NOX3: variants seen among roughly 807,000 people sequenced by gnomAD.
NOX3 encodes the protein NADPH oxidase 3.
In NOX3, 74 loss-of-function variants were observed where a neutral mutation model predicts 76.7. The observed-to-expected ratio is 0.96, with a 90% CI of 0.80 to 1.17. The LOEUF (loss-of-function observed/expected upper bound fraction) is 1.17, where lower values mean the gene tolerates loss of function less well. Ranked by LOEUF, NOX3 falls within the 50% of genes most tolerant of loss-of-function variation. The probability of loss-of-function intolerance (pLI) is 0.00; values close to 1 mark genes in which losing one functional copy is unlikely to be tolerated. For missense variants in NOX3, 695 were observed against 703.3 expected (o/e 0.99, Z 0.13); for synonymous variants, 263 against 261.1 (o/e 1.01, Z -0.07).
intron 9 of NOX3, among the ~76,000 whole-genome samples, chr6:155,425,653 G>T (rs1481826986): frequency 2.0e-5 from 3 of 152,174 alleles, no homozygotes; most frequent in Non-Finnish European, 4.4e-5. Flanking sequence ...ACTGTTATGT[G>T]TGATCCTAAA....
chr6:155,438,764 C>G (rs1358535590), intron 6 of NOX3, among the ~76,000 whole-genome samples: 1 of 152,204 alleles, frequency 6.6e-6, no homozygotes, highest in Non-Finnish European at 1.5e-5. Context: ...CTTCCAGGTC[C>G]GCGCAGAGTC....
At chr6:155,448,374 T>C (rs1777091926) in intron 4 of NOX3, among the ~76,000 whole-genome samples, 1 of 152,160 alleles carries the variant, frequency 6.6e-6, no homozygotes, top group Non-Finnish European at 1.5e-5. Flanking sequence ...CCAACGCCAT[T>C]AGCTATGCGG....
At chr6:155,403,419 T>C (rs1436457482) in intron 12 of NOX3, among the ~76,000 whole-genome samples, 1 of 152,168 alleles carries the variant, frequency 6.6e-6, no homozygotes, top group African/African-American at 2.4e-5. Context: ...ATATAACAAG[T>C]TACCATGTTC....
chr6:155,426,837 A>G (rs918973246), intron 9 of NOX3, among the ~76,000 whole-genome samples: 5 of 152,046 alleles, frequency 3.3e-5, no homozygotes, highest in Non-Finnish European at 5.9e-5. Flanking sequence ...TTGAAATGCT[A>G]TCTGGTTTGT....
intron 13 of NOX3, among the ~76,000 whole-genome samples, chr6:155,396,166 G>A (rs1160242563): frequency 6.6e-6 from 1 of 152,116 alleles, no homozygotes; most frequent in Admixed American, 6.5e-5. Flanking sequence ...GTATTGTTTG[G>A]ACCAGAAAAG....
At chr6:155,452,234 C>T (rs1035964047) in intron 4 of NOX3, among the ~76,000 whole-genome samples, 18 of 152,086 alleles carry the variant, frequency 1.2e-4, no homozygotes, top group African/African-American at 2.9e-4. Context: ...TTTCAAGGTG[C>T]GGAAAAGATT....
chr6:155,426,027 T>C (rs1160306532), intron 9 of NOX3, among the ~76,000 whole-genome samples: 1 of 152,218 alleles, frequency 6.6e-6, no homozygotes, highest in African/African-American at 2.4e-5. Flanking sequence ...AAAGATATAG[T>C]GCTCTCCCCA....
intron 10 of NOX3, among the ~76,000 whole-genome samples, chr6:155,416,297 C>T (rs1395453929): frequency 6.6e-6 from 1 of 152,200 alleles, no homozygotes; most frequent in African/African-American, 2.4e-5. Context: ...GATCATTTTC[C>T]AAAAGGAGAA....
chr6:155,440,212 T>TTC, intron 5 of NOX3, 75 bp from the exon 6 acceptor site: 1 of 1,277,798 alleles, frequency 7.8e-7, no homozygotes, highest in Non-Finnish European at 1.1e-6. Context: ...CTGGCATATT[T>TTC]TTTTTTTTCA....
At chr6:155,433,018 ACACT>A (rs1337512208) in intron 7 of NOX3, among the ~76,000 whole-genome samples, 1 of 152,202 alleles carries the variant, frequency 6.6e-6, no homozygotes, top group African/African-American at 2.4e-5. Flanking sequence ...ACTGGCAAAG[ACACT>A]CAGTCTTCAT....
chr6:155,431,908 C>T (rs1391776220), intron 7 of NOX3, among the ~76,000 whole-genome samples: 7 of 152,180 alleles, frequency 4.6e-5, no homozygotes, highest in African/African-American at 1.7e-4. Flanking sequence ...AGGCTACCTC[C>T]CATGTGCATT....
chr6:155,428,586 CTTTTTT>C (rs35328292), intron 9 of NOX3, among the ~76,000 whole-genome samples: 4 of 138,434 alleles, frequency 2.9e-5, no homozygotes, highest in East Asian at 2.2e-4. Flanking sequence ...GTCTTTTTTT[CTTTTTT>C]TTTTTTTTTT....
chr6:155,453,568 T>C, intron 3 of NOX3, 80 bp from the exon 4 acceptor site: 1 of 1,131,956 alleles, frequency 8.8e-7, no homozygotes, highest in South Asian at 1.2e-5. Context: ...AGAGTAGGAA[T>C]CAGGCTCTGC....
chr6:155,407,666 G>T (rs1776481644), intron 11 of NOX3, among the ~76,000 whole-genome samples: 1 of 152,196 alleles, frequency 6.6e-6, no homozygotes, highest in African/African-American at 2.4e-5. Context: ...CTGGGGAGTT[G>T]AGAAGGGCAT....
In NOX3 at chr6:155,443,322, C is replaced by A; in HGVS notation, c.437G>T (p.Gly146Val). 1 of 1,614,082 alleles carries A rather than the reference C, an allele frequency of 6.2e-7. No individual in the cohort carries two copies. Among genetic ancestry groups the A allele is most frequent in the Non-Finnish European group, 8.5e-7 (1 of 1,179,986 alleles). Residue 146 changes from glycine (G) to valine (V), a missense_variant, in exon 5 of 14, where the codon GGC (glycine) becomes GTC (valine). By Grantham distance (109) the Gly-to-Val change is moderately radical. Transcript: ENST00000159060. ...GAGGTAGCTCTCGTTAGGGGTGTTG[C>A]CCAGCTTGGAAAGTGCGGCCAGAAG... Reference protein sequence around the residue: ...QGLLAALSKLGNTPNESYLNP... With the variant: ...QGLLAALSKLVNTPNESYLNP...
chr6:155,451,697 T>A (rs889433540), intron 4 of NOX3, among the ~76,000 whole-genome samples: 3 of 152,054 alleles, frequency 2.0e-5, no homozygotes, highest in African/African-American at 7.2e-5. Context: ...CAATTTTAGC[T>A]CCCTGCAACC....
intron 11 of NOX3, among the ~76,000 whole-genome samples, chr6:155,409,813 G>GA (rs796487333): frequency 2.0e-5 from 3 of 152,040 alleles, no homozygotes; most frequent in South Asian, 4.2e-4. Flanking sequence ...CTTGTGTTTA[G>GA]AAAAAAAATA....
intron 6 of NOX3, among the ~76,000 whole-genome samples, chr6:155,438,718 T>A (rs1776942298): frequency 6.6e-6 from 1 of 152,158 alleles, no homozygotes; most frequent in African/African-American, 2.4e-5. Flanking sequence ...AGGTGTGACT[T>A]CCTAGGCCAT....
At chr6:155,409,227 C>T (rs980528955) in intron 11 of NOX3, among the ~76,000 whole-genome samples, 15 of 152,116 alleles carry the variant, frequency 9.9e-5, no homozygotes, top group African/African-American at 3.6e-4. Context: ...GGAACAGTGG[C>T]AGAGGGTGTT....
Sources: gnomAD v4.1 joint callset for allele counts (sites outside exome capture counted in the v4.1 genomes callset) on GRCh38, gnomAD v4.1.1 for gene constraint, MANE v1.5 for transcripts, NCBI Gene and HGNC (gene_info 2026-07-23, HGNC 2026-07-21) for gene names.